The following MAK variants were observed in gnomAD, a reference collection of about 807,000 sequenced individuals.
MAK encodes serine/threonine-protein kinase MAK.
In MAK, 65 loss-of-function variants were observed where a neutral mutation model predicts 82.6. The observed-to-expected ratio is 0.79, with a 90% CI of 0.64 to 0.97. MAK has a LOEUF of 0.97. Ranked by LOEUF, MAK falls within the 50% of genes least tolerant of loss-of-function variation. The pLI is 0.00. For missense variants in MAK, 703 were observed against 780.2 expected (o/e 0.90, Z 1.18); for synonymous variants, 250 against 274.2 (o/e 0.91, Z 0.87).
intron 2 of MAK, among the ~76,000 whole-genome samples, chr6:10,823,097 A>G (rs1778086643): frequency 6.6e-6 from 1 of 152,082 alleles, no homozygotes; most frequent in Non-Finnish European, 1.5e-5. Flanking sequence ...TTAAGCACAG[A>G]CTTTCTTCTC....
chr6:10,770,594 C>T (rs537637821), intron 13 of MAK, among the ~76,000 whole-genome samples: 66 of 152,242 alleles, frequency 4.3e-4, no homozygotes, highest in African/African-American at 1.5e-3. Flanking sequence ...CTGCGAAGCC[C>T]CTATCTCTGA....
chr6:10,806,101 G>C (rs1027794898), intron 6 of MAK, among the ~76,000 whole-genome samples: 5 of 152,056 alleles, frequency 3.3e-5, no homozygotes, highest in African/African-American at 7.2e-5. Context: ...GTTGCTCCAC[G>C]GCAAGCTTCC....
intron 1 of MAK, among the ~76,000 whole-genome samples, chr6:10,836,303 C>G (rs986117223): frequency 6.6e-6 from 1 of 152,118 alleles, no homozygotes; most frequent in African/African-American, 2.4e-5. Context: ...TTACATACTG[C>G]GCTCCCTAAG....
At chr6:10,825,431 C>A (rs1403383523) in intron 2 of MAK, among the ~76,000 whole-genome samples, 1 of 151,722 alleles carries the variant, frequency 6.6e-6, no homozygotes, top group African/African-American at 2.4e-5. Context: ...GATCCTATTC[C>A]AGGGCCCATC....
intron 6 of MAK, among the ~76,000 whole-genome samples, chr6:10,805,340 C>A (rs1776346002): frequency 1.3e-5 from 2 of 152,090 alleles, no homozygotes; most frequent in Non-Finnish European, 2.9e-5. Flanking sequence ...GTAATTGCAG[C>A]ACTTTGGGAG....
Position 10,784,386 on chromosome 6 carries a change from C to G in MAK, c.1465+38G>C, listed in dbSNP as rs138908223. 9.7e-4 allele frequency: 1,556 copies of G among 1,610,822 alleles called. 9 individuals are homozygous for G. In the African/African-American group the frequency reaches 0.016, roughly 16 times the overall value. On this transcript the variant is annotated intron_variant, in intron 11 of 14. Transcript: ENST00000354489. ...GACACTTGAACCTGACCTATCTATA[C>G]TCTAGTTAGCAGCAAACATTTTCTT...
chr6:10,810,484 C>A (rs1204948428), intron 5 of MAK, among the ~76,000 whole-genome samples: 1 of 151,422 alleles, frequency 6.6e-6, no homozygotes, highest in Non-Finnish European at 1.5e-5. Context: ...GGATTACAGG[C>A]GTCTGCCACC....
intron 14 of MAK, among the ~76,000 whole-genome samples, chr6:10,768,939 G>C (rs961775244): frequency 6.6e-6 from 1 of 152,242 alleles, no homozygotes; most frequent in African/African-American, 2.4e-5. Flanking sequence ...GCCGGGCATA[G>C]TGGTTCATGC....
intron 4 of MAK, among the ~76,000 whole-genome samples, chr6:10,815,814 A>G (rs938507776): frequency 1.2e-4 from 18 of 150,962 alleles, no homozygotes; most frequent in Admixed American, 1.3e-4. Context: ...TCTGATGTGC[A>G]ATTTATTTTA....
chr6:10,788,893 G>T (rs551055655), intron 10 of MAK, among the ~76,000 whole-genome samples: 1 of 151,958 alleles, frequency 6.6e-6, no homozygotes, highest in African/African-American at 2.4e-5. Context: ...TCATAAATTT[G>T]TTCCTTATTT....
chr6:10,785,015 C>T, intron 10 of MAK: 1 of 455,848 alleles, frequency 2.2e-6, no homozygotes, highest in Non-Finnish European at 4.4e-6. Flanking sequence ...AGAAAAGCTC[C>T]CGTATACAAT....
Position 10,763,391 on chromosome 6 carries a change from C to T in MAK, c.*1061G>A, listed in dbSNP as rs1258340130. 3 of 152,138 alleles carry T rather than the reference C, an allele frequency of 2.0e-5. No homozygotes were observed. Among genetic ancestry groups the T allele is most frequent in the African/African-American group, 7.2e-5 (3 of 41,426 alleles). 9.4% of individuals were successfully genotyped at this position (152,138 alleles called of 1,614,324 possible). On this transcript the variant is annotated 3_prime_UTR_variant, in exon 15 of 15. Coordinates refer to ENST00000354489, the MANE Select transcript of MAK (RefSeq NM_001242957.3). ...CTTAATGATGTCCAGCCAAGAGAAC[C>T]TTGACTTGGTTACTATTGAAGTCAT... is the stretch of plus-strand genomic sequence containing the variant.
intron 14 of MAK, 48 bp from the exon 15 acceptor site, chr6:10,764,654 C>G: frequency 1.3e-6 from 2 of 1,542,356 alleles, no homozygotes; most frequent in Non-Finnish European, 1.8e-6. Context: ...ATTTGCTTAT[C>G]AAACTCAAAA....
chr6:10,813,013 C>G (rs547636612), intron 5 of MAK, among the ~76,000 whole-genome samples: 77 of 138,326 alleles, frequency 5.6e-4, no homozygotes, highest in Admixed American at 1.8e-3. Flanking sequence ...GATCCCCCCC[C>G]CCGCCTCGGC....
At chr6:10,804,852 CTGT>C (rs1032252568) in intron 6 of MAK, among the ~76,000 whole-genome samples, 1 of 152,030 alleles carries the variant, frequency 6.6e-6, no homozygotes, top group African/African-American at 2.4e-5. Context: ...GTTTTGTTCA[CTGT>C]TGTTTTTGCT....
intron 5 of MAK, among the ~76,000 whole-genome samples, chr6:10,813,118 ATATATATATATATATAAATTTTT>A (rs1777131499): frequency 0.012 from 38 of 3,238 alleles, no homozygotes; most frequent in Non-Finnish European, 0.016. Context: ...ATATATATAT[ATATATATATATATATAAATTTTT>A]TTTTTTTTTT....
chr6:10,806,505 A>ATTTTTTTT (rs70991049), intron 6 of MAK, among the ~76,000 whole-genome samples: 183 of 117,048 alleles, frequency 1.6e-3, no homozygotes, highest in Middle Eastern at 5.1e-3. Flanking sequence ...CACCCGTCTA[A>ATTTTTTTT]TTTTTTTTTT....
intron 9 of MAK, among the ~76,000 whole-genome samples, chr6:10,794,717 G>A (rs1413510679): frequency 6.6e-6 from 1 of 152,202 alleles, no homozygotes; most frequent in African/African-American, 2.4e-5. Flanking sequence ...TTCTGGCCAG[G>A]TGCGGTGGCT....
chr6:10,811,319 C>A (rs1776916433), intron 5 of MAK, among the ~76,000 whole-genome samples: 1 of 152,226 alleles, frequency 6.6e-6, no homozygotes, highest in Non-Finnish European at 1.5e-5. Flanking sequence ...TTTAAAATAT[C>A]TATTTCTTGA....
Sources: gnomAD v4.1 joint callset for allele counts (sites outside exome capture counted in the v4.1 genomes callset) on GRCh38, gnomAD v4.1.1 for gene constraint, MANE v1.5 for transcripts, NCBI Gene and HGNC (gene_info 2026-07-23, HGNC 2026-07-21) for gene names.